Variants in PPP3CC observed in about 807,000 individuals in gnomAD.
PPP3CC encodes the protein protein phosphatase 3 catalytic subunit gamma.
PPP3CC carries 35 observed loss-of-function variants against 60.3 expected under a neutral mutation model. That is an observed-to-expected ratio of 0.58 (90% CI 0.44 to 0.77). The LOEUF (loss-of-function observed/expected upper bound fraction) is 0.77. PPP3CC is among the 30% of genes least tolerant of loss of function. The pLI, the probability that PPP3CC is intolerant of heterozygous loss-of-function variation, is 0.00. For missense variants in PPP3CC, 570 were observed against 628.9 expected, an observed-to-expected ratio of 0.91 and a Z score of 1.00; for synonymous variants, 206 against 224.3, an observed-to-expected ratio of 0.92 and a Z score of 0.73.
chr8:22,485,253 A>G (rs556810903), intron 3 of PPP3CC, among the ~76,000 whole-genome samples: 291 of 152,320 alleles, frequency 1.9e-3, no homozygotes, highest in Middle Eastern at 3.4e-3. Flanking sequence ...AAACGCAAGC[A>G]CAGATGGGAA....
chr8:22,463,151 G>T (rs1406097649), intron 1 of PPP3CC, among the ~76,000 whole-genome samples: 2 of 152,172 alleles, frequency 1.3e-5, no homozygotes, highest in African/African-American at 4.8e-5. Flanking sequence ...AAAATGCCAA[G>T]AGAATAAAGG....
rs79658490 is a variant in PPP3CC at position 22,518,599 on chromosome 8, A to G, written c.771-3892A>G. Reference sequence around the variant, plus strand: ...TATGCGTATTAGGTCCATTGGGTTCATAGTGTTGTTCAGTTCTGTTGTTTG... The same window carrying G: ...TATGCGTATTAGGTCCATTGGGTTCGTAGTGTTGTTCAGTTCTGTTGTTTG... On this transcript the variant is annotated intron_variant, in intron 6 of 13. Coordinates refer to ENST00000240139, the MANE Select transcript of PPP3CC (RefSeq NM_005605.5). Among the ~76,000 whole-genome samples, 485 of 152,300 alleles carry G rather than the reference A, an allele frequency of 3.2e-3. 3 individuals are homozygous for G. The highest frequency in any genetic ancestry group is 0.011 in the African/African-American group (458 of 41,562).
chr8:22,475,239 G>A, intron 2 of PPP3CC, 88 bp downstream of exon 2: 1 of 1,275,142 alleles, frequency 7.8e-7, no homozygotes, highest in Non-Finnish European at 1.1e-6. Context: ...CAGCTAAAAA[G>A]TGGTGTGGTA....
chr8:22,451,738 T>C (rs1837033484), intron 1 of PPP3CC, among the ~76,000 whole-genome samples: 1 of 152,274 alleles, frequency 6.6e-6, no homozygotes, highest in South Asian at 2.1e-4. Flanking sequence ...ACACATTTGC[T>C]TTCTAATTCA....
At chr8:22,495,620 G>A (rs1418691490) in intron 3 of PPP3CC, among the ~76,000 whole-genome samples, 1 of 151,870 alleles carries the variant, frequency 6.6e-6, no homozygotes, top group Non-Finnish European at 1.5e-5. Context: ...GTGCAATGGC[G>A]CTATCTCGGC....
chr8:22,461,126 G>C (rs982112872), intron 1 of PPP3CC, among the ~76,000 whole-genome samples: 4 of 152,162 alleles, frequency 2.6e-5, no homozygotes, highest in African/African-American at 2.4e-5. Context: ...TTACAGGCGT[G>C]AGCCACCGCA....
At chr8:22,528,752 A>T (rs1411602827) in intron 10 of PPP3CC, among the ~76,000 whole-genome samples, 175 bp downstream of exon 10, 1 of 152,252 alleles carries the variant, frequency 6.6e-6, no homozygotes, top group South Asian at 2.1e-4. Context: ...AGTCACCCAT[A>T]ATCCCATCAT....
chr8:22,511,502 T>C (rs920576638), intron 5 of PPP3CC, among the ~76,000 whole-genome samples: 3 of 152,130 alleles, frequency 2.0e-5, no homozygotes, highest in Non-Finnish European at 4.4e-5. Flanking sequence ...ACTCCTGACC[T>C]CAACTGATCT....
At chr8:22,493,044 C>T (rs1563736503) in intron 3 of PPP3CC, 2 of 1,401,752 alleles carry the variant, frequency 1.4e-6, no homozygotes, top group Non-Finnish European at 2.0e-6. Flanking sequence ...AGTTCCAGCT[C>T]TTGTGGAGAA....
intron 9 of PPP3CC, 123 bp downstream of exon 9, chr8:22,527,640 T>C (rs1430688968): frequency 8.0e-7 from 1 of 1,248,458 alleles, no homozygotes; most frequent in Admixed American, 2.4e-5. Context: ...CATAGATTTT[T>C]TTTTTTTTTT....
At position 22,461,428 on chromosome 8, in the gene PPP3CC, T is replaced by C. The variant is rs1377926197; in HGVS notation, c.50-13526T>C. Among the ~76,000 whole-genome samples, 4 of 152,198 alleles carry C rather than the reference T, an allele frequency of 2.6e-5. No homozygotes were observed. The East Asian group carries it at 7.7e-4, about 29-fold the overall frequency. ...CCAGCAGTATTGGATGTTGGTAATA[T>C]TACTGTTGGTCGATTAATTTATGAT... On this transcript the variant is annotated intron_variant, in intron 1 of 13. Transcript: ENST00000240139.
rs975593246 is a variant in PPP3CC at position 22,474,868 on chromosome 8, G to C, written c.50-86G>C. The C allele has an allele frequency of 1.3e-5, 12 of 937,718 alleles. No homozygotes were observed. The South Asian group carries it at 3.6e-4, about 28-fold the overall frequency. The allele number at this position is 937,718 out of a possible 1,614,324, so 58.1% of individuals were successfully genotyped here. ...ATGTGAAATCATGGTGATTTATTAG[G>C]TTTAATTTGTCATGTAAAAGAATTG... is the stretch of plus-strand genomic sequence containing the variant. On this transcript the variant is annotated intron_variant, in intron 1 of 13. Coordinates refer to ENST00000240139, the MANE Select transcript of PPP3CC (RefSeq NM_005605.5).
At chr8:22,487,277 T>G (rs1838252692) in intron 3 of PPP3CC, among the ~76,000 whole-genome samples, 1 of 152,204 alleles carries the variant, frequency 6.6e-6, no homozygotes, top group African/African-American at 2.4e-5. Flanking sequence ...AACAAAATAG[T>G]AAAGTTTTAT....
intron 1 of PPP3CC, among the ~76,000 whole-genome samples, chr8:22,456,636 G>T (rs1356179899): frequency 1.3e-5 from 2 of 152,148 alleles, no homozygotes; most frequent in Admixed American, 1.3e-4. Context: ...GTCTGTGTAT[G>T]TGTGTTTAGC....
At chr8:22,533,523 G>A (rs1247276529) in intron 12 of PPP3CC, among the ~76,000 whole-genome samples, 1 of 152,200 alleles carries the variant, frequency 6.6e-6, no homozygotes, top group East Asian at 1.9e-4. Flanking sequence ...TCACAAATGA[G>A]GATATCAAAG....
At chr8:22,462,095 T>G (rs1347001918) in intron 1 of PPP3CC, among the ~76,000 whole-genome samples, 1 of 152,050 alleles carries the variant, frequency 6.6e-6, no homozygotes, top group Non-Finnish European at 1.5e-5. Context: ...AAAATTAAAA[T>G]TAACTGAGTG....
intron 4 of PPP3CC, among the ~76,000 whole-genome samples, chr8:22,508,132 T>C (rs910567246): frequency 2.0e-5 from 3 of 152,078 alleles, no homozygotes; most frequent in African/African-American, 7.2e-5. Flanking sequence ...GGTGTGCGCT[T>C]GTAGTCCCAG....
chr8:22,499,702 C>T (rs565151648), intron 4 of PPP3CC, among the ~76,000 whole-genome samples: 1 of 152,280 alleles, frequency 6.6e-6, no homozygotes, highest in South Asian at 2.1e-4. Flanking sequence ...AGATCCTGCC[C>T]CAGGGCATTT....
chr8:22,467,543 A>T (rs1369507751), intron 1 of PPP3CC, among the ~76,000 whole-genome samples: 1 of 152,040 alleles, frequency 6.6e-6, no homozygotes, highest in Non-Finnish European at 1.5e-5. Context: ...CCTGGGTTCA[A>T]GTGATTCTCC....
Sources: allele counts gnomAD v4.1 joint callset (sites outside exome capture counted in the v4.1 genomes callset), GRCh38; gene constraint gnomAD v4.1.1; transcripts MANE v1.5; gene names NCBI Gene and HGNC (gene_info 2026-07-23, HGNC 2026-07-21).